Variants in RBBP8NL observed in about 807,000 individuals in gnomAD.
RBBP8NL encodes RBBP8 N-terminal like, also known as RBBP8 N-terminal-like protein.
Under a neutral mutation model 62.2 loss-of-function variants are expected in RBBP8NL, and 59 were observed. The ratio of observed to expected loss-of-function variants is 0.95; its 90% CI spans 0.77 to 1.18. RBBP8NL has a LOEUF of 1.18. Among genes scored for constraint, RBBP8NL ranks in the 50% most tolerant of loss-of-function variants. The pLI, the probability that RBBP8NL is intolerant of heterozygous loss-of-function variation, is 0.00. For missense variants in RBBP8NL, 896 were observed against 899.5 expected (o/e 1.00, Z 0.05); for synonymous variants, 412 against 394.1 (o/e 1.05, Z -0.54).
Position 62,414,074 on chromosome 20 carries a change from T to C in RBBP8NL, c.1277A>G (p.Gln426Arg), listed in dbSNP as rs763336940. 2.5e-6 allele frequency: 4 copies of C among 1,595,184 alleles called. No homozygotes were observed. Among genetic ancestry groups the C allele is most frequent in the East Asian group, 2.3e-5 (1 of 43,960 alleles). Residue 426 changes from glutamine (Q) to arginine (R), a missense_variant, in exon 10 of 14, where the codon CAG becomes CGG. Coordinates refer to ENST00000252998, the MANE Select transcript of RBBP8NL (RefSeq NM_080833.3). ...CTGCGTGGCTGCAGCCTCTGTCCTC[T>C]GGGCGCGGCCCGGGCCTGCAGGCTG... The part of the protein sequence containing the change: ...HTQPAGPGRA[Q>R]RTEAAATQDC...
Position 62,413,968 on chromosome 20 carries a change from C to T in RBBP8NL, c.1383G>A (p.Gln461=). The change falls in exon 10 of 14, where the codon CAG becomes CAA. Residue 461 remains glutamine (Q), a synonymous_variant. Coordinates refer to ENST00000252998, the MANE Select transcript of RBBP8NL (RefSeq NM_080833.3). ...CAGCGGCAGGGCTGAGTGACCCATG[C>T]TGGCCGGCCGGCTTGGGAGTGTCCT... ...RGQDTPKPAG[Q]HGSLSPAAAH... is the part of the protein sequence containing the mutation. 5.1e-6 allele frequency: 8 copies of T among 1,575,096 alleles called. No individual in the cohort carries two copies. Among genetic ancestry groups the T allele is most frequent in the South Asian group, 4.7e-5 (4 of 85,806 alleles).
In RBBP8NL at chr20:62,413,467, G is replaced by A; in HGVS notation, c.1609C>T (p.Pro537Ser). ...GSTEDEDTGRPLPPPHPQPPP... is the reference protein window; with the variant it reads ...GSTEDEDTGRSLPPPHPQPPP... ...GGCTGTGGGTGGGGAGGTGGCAGAG[G>A]CCTCCCTGTGTCTTCATCTTCTGTA... The change falls in exon 11 of 14, where the codon CCT becomes TCT. Residue 537 changes from proline to serine, a missense_variant. Transcript: ENST00000252998. 1 of 1,481,202 alleles carries A rather than the reference G, an allele frequency of 6.8e-7. No individual in the cohort carries two copies. The highest frequency in any genetic ancestry group is 1.5e-5 in the South Asian group (1 of 67,846). 91.8% of individuals were successfully genotyped at this position (1,481,202 alleles called of 1,614,324 possible).
intron 1 of RBBP8NL, among the ~76,000 whole-genome samples, chr20:62,425,228 C>T (rs776424139): frequency 1.3e-5 from 2 of 152,204 alleles, no homozygotes; most frequent in Admixed American, 6.5e-5. Context: ...TCATGACCTG[C>T]GCCTCCCTCA....
chr20:62,411,121 T>G (rs1403504436), intron 13 of RBBP8NL, 125 bp from the exon 14 acceptor site: 3 of 682,946 alleles, frequency 4.4e-6, no homozygotes, highest in African/African-American at 1.8e-5. Context: ...GGAAGTTTGC[T>G]GGCCACCCTT....
At chr20:62,411,092 CGG>C in intron 13 of RBBP8NL, 96 bp from the exon 14 acceptor site, 1 of 785,554 alleles carries the variant, frequency 1.3e-6, no homozygotes, top group Admixed American at 2.2e-5. Flanking sequence ...CCTCTGGGCA[CGG>C]GGAGCTGGGT....
Position 62,415,964 on chromosome 20 carries a change from CAG to C in RBBP8NL, c.387-21_387-20del. 6.6e-7 allele frequency: 1 copy of C among 1,509,042 alleles called. No homozygotes were observed. The highest frequency in any genetic ancestry group is 8.9e-7 in the Non-Finnish European group (1 of 1,128,022). The allele number at this position is 1,509,042 out of a possible 1,614,324, so 93.5% of individuals were successfully genotyped here. The stretch of plus-strand genomic sequence containing the variant: ...CCTGTCTCTAGAGGGGAGGCAGAGA[CAG>C]GGAGGGTGAGGGAGAGCAGCATCTC... On this transcript the variant is annotated intron_variant, in intron 6 of 13. Coordinates refer to ENST00000252998, the MANE Select transcript of RBBP8NL (RefSeq NM_080833.3).
At chr20:62,424,993 G>A (rs542041794) in intron 1 of RBBP8NL, among the ~76,000 whole-genome samples, 49 of 152,308 alleles carry the variant, frequency 3.2e-4, no homozygotes, top group Middle Eastern at 3.4e-3. Context: ...TTCCCAGTCA[G>A]CAGCCCTGGT....
intron 1 of RBBP8NL, among the ~76,000 whole-genome samples, chr20:62,424,114 G>A (rs2146446423): frequency 6.6e-6 from 1 of 152,084 alleles, no homozygotes; most frequent in Admixed American, 6.5e-5. Context: ...CACAGGGCTG[G>A]GGTGAGAGAG....
chr20:62,421,594 T>A (rs1483437933), intron 1 of RBBP8NL, among the ~76,000 whole-genome samples: 1 of 149,332 alleles, frequency 6.7e-6, no homozygotes, highest in South Asian at 2.2e-4. Context: ...CCAGTGTGCA[T>A]GTGTGTGGCA....
chr20:62,419,090 G>A (rs1488716613), intron 2 of RBBP8NL, among the ~76,000 whole-genome samples: 1 of 152,172 alleles, frequency 6.6e-6, no homozygotes, highest in Non-Finnish European at 1.5e-5. Context: ...GTCCTAGAAG[G>A]AAGAGAAGAG....
intron 11 of RBBP8NL, 133 bp downstream of exon 11, chr20:62,413,268 G>T: frequency 8.6e-7 from 1 of 1,159,966 alleles, no homozygotes. Flanking sequence ...TGGAGCCTGG[G>T]GTTGCCCCGT....
intron 2 of RBBP8NL, 35 bp downstream of exon 2, chr20:62,419,552 C>T (rs189940410): frequency 6.2e-7 from 1 of 1,603,236 alleles, no homozygotes; most frequent in East Asian, 2.2e-5. Flanking sequence ...TGTGGAGACC[C>T]CTCCCTAGCC....
chr20:62,424,759 C>T (rs570560850), intron 1 of RBBP8NL, among the ~76,000 whole-genome samples: 19 of 152,174 alleles, frequency 1.2e-4, no homozygotes, highest in Non-Finnish European at 2.1e-4. Flanking sequence ...AGAGCCTGCA[C>T]CTGCCCTCCT....
chr20:62,414,092 G>A lies in RBBP8NL; in HGVS notation c.1259C>T (p.Ala420Val). ...TGTCCTCTGGGCGCGGCCCGGGCCTGCAGGCTGTGTGTGCCGCCCTCCAGA... is the reference window on the plus strand; with the variant it reads ...TGTCCTCTGGGCGCGGCCCGGGCCTACAGGCTGTGTGTGCCGCCCTCCAGA... ...GLSGGRHTQP[A>V]GPGRAQRTEA... is the part of the protein sequence containing the mutation. The change falls in exon 10 of 14, where the codon GCA (alanine) becomes GTA (valine). Residue 420 changes from alanine (A) to valine (V), a missense_variant. Coordinates refer to ENST00000252998, the MANE Select transcript of RBBP8NL (RefSeq NM_080833.3). The A allele has an allele frequency of 1.3e-6, 2 of 1,592,454 alleles. No individual in the cohort carries two copies. The highest frequency in any genetic ancestry group is 2.3e-5 in the South Asian group (2 of 88,108).
rs867257247 is a variant in RBBP8NL at position 62,413,906 on chromosome 20, C to G, written c.1445G>C (p.Gly482Ala). ...TASPEPPTQS[G>A]PLTRSPQALS... Reference sequence around the variant, plus strand: ...TGCCTGGGGACTGCGAGTCAGGGGTCCGGACTGGGTGGGTGGCTCGGGGCT... The same window carrying G: ...TGCCTGGGGACTGCGAGTCAGGGGTGCGGACTGGGTGGGTGGCTCGGGGCT... Residue 482 changes from glycine (G) to alanine (A), a missense_variant, in exon 10 of 14, where the codon GGA becomes GCA. Coordinates refer to ENST00000252998, the MANE Select transcript of RBBP8NL (RefSeq NM_080833.3). The G allele has an allele frequency of 2.5e-6, 4 of 1,593,730 alleles. No homozygotes were observed. Among genetic ancestry groups the G allele is most frequent in the Admixed American group, 1.7e-5 (1 of 57,322 alleles).
Position 62,413,509 on chromosome 20 carries a change from G to A in RBBP8NL, c.1567C>T (p.Leu523=). The change falls in exon 11 of 14, where the codon CTG becomes TTG. Residue 523 remains leucine, a synonymous_variant. Transcript: ENST00000252998. The part of the protein sequence containing the change: ...SRPLPGSQLS[L]SSPGSTEDED... ...TCTTCTGTACTGCCTGGAGAGGACA[G>A]GCTGAGCTGGGACCCTGGAAGTGGG... 1 of 1,522,188 alleles carries A rather than the reference G, an allele frequency of 6.6e-7. No individual in the cohort carries two copies. The highest frequency in any genetic ancestry group is 8.8e-7 in the Non-Finnish European group (1 of 1,141,768). The allele number at this position is 1,522,188 out of a possible 1,614,324, so 94.3% of individuals were successfully genotyped here. A position where few individuals can be genotyped will look rare whatever the true frequency, so the allele number is the denominator to read the frequency against.
chr20:62,417,584 TCTG>T, intron 3 of RBBP8NL, among the ~76,000 whole-genome samples: 1 of 80,600 alleles, frequency 1.2e-5, no homozygotes, highest in African/African-American at 4.9e-5. Flanking sequence ...TGCACGCTCC[TCTG>T]TGACGTCTGT....
intron 1 of RBBP8NL, among the ~76,000 whole-genome samples, chr20:62,424,102 T>A (rs1251691479): frequency 2.0e-5 from 3 of 151,614 alleles, no homozygotes; most frequent in African/African-American, 7.3e-5. Flanking sequence ...CATGGGGGGC[T>A]TCACAGGGCT....
rs748929125 is a variant in RBBP8NL at position 62,414,103 on chromosome 20, G to C, written c.1248C>G (p.His416Gln). The change falls in exon 10 of 14, where the codon CAC (histidine) becomes CAG (glutamine). Residue 416 changes from histidine to glutamine, a missense_variant. Physicochemically the swap from His to Gln is conservative, Grantham distance 24. Transcript: ENST00000252998. ...LAAAGLSGGRHTQPAGPGRAQ... is the reference protein window; with the variant it reads ...LAAAGLSGGRQTQPAGPGRAQ... The stretch of plus-strand genomic sequence containing the variant: ...CGCGGCCCGGGCCTGCAGGCTGTGT[G>C]TGCCGCCCTCCAGACAGGCCTGCTG... 6.3e-7 allele frequency: 1 copy of C among 1,592,994 alleles called. No homozygotes were observed. Among genetic ancestry groups the C allele is most frequent in the Admixed American group, 1.7e-5 (1 of 57,576 alleles).
Sources: gnomAD v4.1 joint callset for allele counts (sites outside exome capture counted in the v4.1 genomes callset) on GRCh38, gnomAD v4.1.1 for gene constraint, MANE v1.5 for transcripts, NCBI Gene and HGNC (gene_info 2026-07-23, HGNC 2026-07-21) for gene names.